ADAMTSL1: variants seen among roughly 807,000 people sequenced by gnomAD.
The protein encoded by ADAMTSL1 is ADAMTS like 1, also known as ADAMTS-like protein 1.
In ADAMTSL1, 126 loss-of-function variants were observed where a neutral mutation model predicts 201.8. The ratio of observed to expected loss-of-function variants is 0.62; its 90% CI spans 0.54 to 0.72. ADAMTSL1 has a LOEUF of 0.72. Among genes scored for constraint, ADAMTSL1 ranks in the 30% least tolerant of loss-of-function variants. The probability of loss-of-function intolerance (pLI) is 0.00; values close to 1 mark genes in which losing one functional copy is unlikely to be tolerated. For missense variants in ADAMTSL1, 2,679 were observed against 2,277.8 expected (o/e 1.18, Z -3.59); for synonymous variants, 1,121 against 903.4 (o/e 1.24, Z -4.32).
chr9:18,176,003 A>G (rs1828130993), intron 2 of ADAMTSL1, among the ~76,000 whole-genome samples: 1 of 88,044 alleles, frequency 1.1e-5, no homozygotes, highest in Non-Finnish European at 2.5e-5. Context: ...AAGAAGAGGG[A>G]AAGCAAAAAA....
Position 18,056,152 on chromosome 9 carries a change from A to T in ADAMTSL1, c.88-107710A>T, listed in dbSNP as rs555319523. Among the ~76,000 whole-genome samples the T allele has an allele frequency of 9.3e-4, 122 of 131,870 alleles. 1 individual carries two copies. Among genetic ancestry groups the T allele is most frequent in the African/African-American group, 3.3e-3 (117 of 35,062 alleles). The allele number at this position is 131,870 out of a possible 152,430, so 86.5% of individuals were successfully genotyped here. A position where few individuals can be genotyped will look rare whatever the true frequency, so the allele number is the denominator to read the frequency against. Reference sequence around the variant, plus strand: ...GGGTGATTTTTTTTTTCTTTCAGCAAAAGCTTTTTTTTTTTTCCTCTGCCC... The same window carrying T: ...GGGTGATTTTTTTTTTCTTTCAGCATAAGCTTTTTTTTTTTTCCTCTGCCC... On this transcript the variant is annotated intron_variant, in intron 1 of 29. Transcript: ENST00000680146.
chr9:18,408,978 A>G (rs1051744319), intron 2 of ADAMTSL1, among the ~76,000 whole-genome samples: 7 of 152,218 alleles, frequency 4.6e-5, no homozygotes, highest in Admixed American at 1.3e-4. Flanking sequence ...GTTTACTTTG[A>G]TACACCTGAA....
intron 2 of ADAMTSL1, among the ~76,000 whole-genome samples, chr9:18,188,923 T>C (rs1479056413): frequency 6.6e-6 from 1 of 152,190 alleles, no homozygotes; most frequent in Non-Finnish European, 1.5e-5. Context: ...TCCATTCAAC[T>C]AGTGAGGAAA....
intron 1 of ADAMTSL1, among the ~76,000 whole-genome samples, chr9:18,124,298 G>T (rs12343596): frequency 0.16 from 24,655 of 151,714 alleles, 4,173 homozygotes; most frequent in African/African-American, 0.44. Flanking sequence ...GGCCAGGATG[G>T]TCATGATCTC....
intron 21 of ADAMTSL1, 146 bp downstream of exon 21, chr9:18,817,383 T>C: frequency 1.4e-6 from 1 of 733,866 alleles, no homozygotes; most frequent in Non-Finnish European, 2.1e-6. Context: ...GCTCTGAAAG[T>C]AGAAAGTGCT....
chr9:18,879,049 C>A (rs1305383532), intron 23 of ADAMTSL1, among the ~76,000 whole-genome samples: 2 of 152,192 alleles, frequency 1.3e-5, no homozygotes, highest in Non-Finnish European at 2.9e-5. Flanking sequence ...TCATATATAA[C>A]ATTTCTTCCA....
chr9:17,979,775 A>G (rs760489378), intron 1 of ADAMTSL1, among the ~76,000 whole-genome samples: 2 of 152,142 alleles, frequency 1.3e-5, no homozygotes, highest in African/African-American at 2.4e-5. Context: ...ACTGGCTTCA[A>G]TAGTGAAACC....
intron 2 of ADAMTSL1, among the ~76,000 whole-genome samples, chr9:18,279,856 G>A (rs1465889018): frequency 6.6e-6 from 1 of 151,972 alleles, no homozygotes; most frequent in Non-Finnish European, 1.5e-5. Flanking sequence ...GTCTGTGGGT[G>A]TTAGCCTGGA....
chr9:18,211,089 T>C (rs1016102695), intron 2 of ADAMTSL1, among the ~76,000 whole-genome samples: 1 of 152,158 alleles, frequency 6.6e-6, no homozygotes, highest in Non-Finnish European at 1.5e-5. Context: ...ACGACCTCTC[T>C]AACCCTGGAG....
intron 1 of ADAMTSL1, among the ~76,000 whole-genome samples, chr9:18,131,888 A>T (rs889202774): frequency 1.3e-5 from 2 of 151,790 alleles, no homozygotes; most frequent in African/African-American, 4.8e-5. Flanking sequence ...GGGCAGGGTG[A>T]GATGAACTGA....
intron 4 of ADAMTSL1, among the ~76,000 whole-genome samples, chr9:18,599,532 G>A (rs1290661511): frequency 6.6e-6 from 1 of 152,180 alleles, no homozygotes; most frequent in Non-Finnish European, 1.5e-5. Context: ...TAGGCAGTGG[G>A]TAGGAAGAAT....
chr9:17,975,576 T>G (rs1588507089), intron 1 of ADAMTSL1, among the ~76,000 whole-genome samples: 1 of 152,010 alleles, frequency 6.6e-6, no homozygotes, highest in Admixed American at 6.6e-5. Context: ...TCATGTGGAT[T>G]TGGGGGGTCA....
chr9:18,713,430 A>C (rs1832729708), intron 14 of ADAMTSL1, among the ~76,000 whole-genome samples: 1 of 152,230 alleles, frequency 6.6e-6, no homozygotes, highest in Non-Finnish European at 1.5e-5. Flanking sequence ...GGAAAACAAA[A>C]AAGGCAGGGG....
intron 2 of ADAMTSL1, among the ~76,000 whole-genome samples, chr9:18,329,168 A>G (rs1277315585): frequency 6.6e-6 from 1 of 152,054 alleles, no homozygotes; most frequent in Non-Finnish European, 1.5e-5. Flanking sequence ...TGCCCCTTCT[A>G]CCCGTGAGGA....
At chr9:18,900,009 C>T (rs915826728) in intron 26 of ADAMTSL1, among the ~76,000 whole-genome samples, 3 of 152,162 alleles carry the variant, frequency 2.0e-5, no homozygotes, top group African/African-American at 7.2e-5. Context: ...AGACAACCTA[C>T]AGAATAGGAG....
intron 23 of ADAMTSL1, among the ~76,000 whole-genome samples, chr9:18,837,837 C>T (rs890259206): frequency 3.3e-5 from 5 of 152,104 alleles, no homozygotes; most frequent in African/African-American, 1.2e-4. Context: ...GTTTGCCAAC[C>T]CCTGATCCGG....
intron 2 of ADAMTSL1, among the ~76,000 whole-genome samples, chr9:18,166,600 G>T (rs905144308): frequency 2.6e-5 from 4 of 151,872 alleles, no homozygotes; most frequent in African/African-American, 9.7e-5. Context: ...ATTGATAGTT[G>T]TGGAAGTAAC....
intron 4 of ADAMTSL1, among the ~76,000 whole-genome samples, chr9:18,605,729 A>G (rs932556283): frequency 6.6e-5 from 10 of 152,166 alleles, no homozygotes; most frequent in African/African-American, 2.4e-4. Flanking sequence ...ATTTTGTGTA[A>G]TTTTTTGAGG....
At chr9:18,369,792 A>G (rs935658907) in intron 2 of ADAMTSL1, among the ~76,000 whole-genome samples, 1 of 152,234 alleles carries the variant, frequency 6.6e-6, no homozygotes, top group African/African-American at 2.4e-5. Flanking sequence ...TGCGGTATCT[A>G]TACACCATGG....
Sources: allele counts gnomAD v4.1 joint callset (sites outside exome capture counted in the v4.1 genomes callset), GRCh38; gene constraint gnomAD v4.1.1; transcripts MANE v1.5; gene names NCBI Gene and HGNC (gene_info 2026-07-23, HGNC 2026-07-21).